PPP2R2B: variants seen among roughly 807,000 people sequenced by gnomAD.
The protein encoded by PPP2R2B is serine/threonine-protein phosphatase 2A 55 kDa regulatory subunit B beta isoform.
In PPP2R2B, 5 loss-of-function variants were observed where a neutral mutation model predicts 46.0. That is an observed-to-expected ratio of 0.11 (90% confidence interval 0.06 to 0.23). The LOEUF (loss-of-function observed/expected upper bound fraction) is 0.23. Among genes scored for constraint, PPP2R2B ranks in the 10% least tolerant of loss-of-function variants. The pLI, the probability that PPP2R2B is intolerant of heterozygous loss-of-function variation, is 1.00. For synonymous variants in PPP2R2B, 215 were observed against 206.7 expected (o/e 1.04, Z -0.34); for missense variants, 367 against 575.0 (o/e 0.64, Z 3.70).
intron 1 of PPP2R2B, among the ~76,000 whole-genome samples, chr5:147,007,243 C>T (rs540296961): frequency 3.3e-5 from 5 of 152,232 alleles, no homozygotes; most frequent in African/African-American, 4.8e-5. Flanking sequence ...GAGCAGTCAT[C>T]GCCCAATTCC....
chr5:147,050,470 A>G (rs1168111473), intron 1 of PPP2R2B, among the ~76,000 whole-genome samples: 1 of 152,156 alleles, frequency 6.6e-6, no homozygotes, highest in African/African-American at 2.4e-5. Context: ...ATAAGAATCC[A>G]TAAATATGAA....
At chr5:147,053,826 A>G (rs906598397) in intron 1 of PPP2R2B, among the ~76,000 whole-genome samples, 1 of 152,244 alleles carries the variant, frequency 6.6e-6, no homozygotes. Flanking sequence ...TGTTATAGAT[A>G]AAACTGGGCA....
At position 146,676,916 on chromosome 5, in the gene PPP2R2B, G is replaced by A. The variant is rs75227806; in HGVS notation, c.447+14212C>T. Among the ~76,000 whole-genome samples the A allele has an allele frequency of 5.7e-3, 866 of 152,276 alleles. 7 individuals are homozygous for A. The highest frequency in any genetic ancestry group is 0.019 in the African/African-American group (802 of 41,544). ...TGCAACGGCATATCTAATTGGGACT[G>A]GTGTGGCGGTCACCTCTGAGTCCAT... is the stretch of plus-strand genomic sequence containing the variant. On this transcript the variant is annotated intron_variant, in intron 5 of 9. Transcript: ENST00000394411.
intron 3 of PPP2R2B, among the ~76,000 whole-genome samples, chr5:146,698,681 TAAATG>T (rs1322213741): frequency 6.6e-6 from 1 of 151,830 alleles, no homozygotes; most frequent in African/African-American, 2.4e-5. Flanking sequence ...GCTCAGATAT[TAAATG>T]ACTTTCCCTA....
At chr5:146,622,839 T>G (rs926499707) in intron 7 of PPP2R2B, among the ~76,000 whole-genome samples, 1 of 152,218 alleles carries the variant, frequency 6.6e-6, no homozygotes, top group Non-Finnish European at 1.5e-5. Context: ...GTAGCTTATA[T>G]ATAACTCAGT....
intron 1 of PPP2R2B, among the ~76,000 whole-genome samples, chr5:146,990,377 A>G (rs1753640987): frequency 6.6e-6 from 1 of 152,160 alleles, no homozygotes; most frequent in African/African-American, 2.4e-5. Flanking sequence ...TTATAGAAAA[A>G]CAGACCAATG....
intron 1 of PPP2R2B, among the ~76,000 whole-genome samples, chr5:146,912,748 C>T (rs1185327466): frequency 6.6e-6 from 1 of 151,988 alleles, no homozygotes; most frequent in African/African-American, 2.4e-5. Context: ...ACCTTGTGAT[C>T]CGCTCGCTTC....
intron 2 of PPP2R2B, among the ~76,000 whole-genome samples, chr5:147,064,299 T>A (rs1323567703): frequency 6.6e-6 from 1 of 152,148 alleles, no homozygotes; most frequent in Non-Finnish European, 1.5e-5. Flanking sequence ...ACAAGGTAAT[T>A]GTTGTGTGCT....
chr5:146,766,873 G>T (rs1320764587), intron 2 of PPP2R2B, among the ~76,000 whole-genome samples: 1 of 152,018 alleles, frequency 6.6e-6, no homozygotes, highest in East Asian at 1.9e-4. Context: ...GGCCAATATG[G>T]TGAAACCCCG....
chr5:146,717,691 T>C (rs17516662), intron 2 of PPP2R2B, among the ~76,000 whole-genome samples: 62,725 of 151,940 alleles, frequency 0.41, 15,507 homozygotes, highest in African/African-American at 0.68. Flanking sequence ...TAGGTCATCA[T>C]TAAGAACACT....
intron 5 of PPP2R2B, among the ~76,000 whole-genome samples, chr5:146,690,026 T>A (rs1778743246): frequency 1.3e-5 from 2 of 152,162 alleles, no homozygotes; most frequent in African/African-American, 2.4e-5. Flanking sequence ...AATAAACAAG[T>A]GAGCTAATTA....
chr5:146,968,717 T>C (rs1367040366), intron 1 of PPP2R2B, among the ~76,000 whole-genome samples: 1 of 152,196 alleles, frequency 6.6e-6, no homozygotes, highest in Non-Finnish European at 1.5e-5. Context: ...TAACAATAAA[T>C]CAAGCCTTGG....
chr5:146,980,094 AT>A (rs1284835186), intron 1 of PPP2R2B, among the ~76,000 whole-genome samples: 7 of 152,192 alleles, frequency 4.6e-5, no homozygotes, highest in Admixed American at 3.3e-4. Context: ...ATTTATATTT[AT>A]TGTTATGGAG....
chr5:146,592,881 TC>T, intron 9 of PPP2R2B, 89 bp downstream of exon 9: 1 of 1,296,076 alleles, frequency 7.7e-7, no homozygotes. Flanking sequence ...AATTTTGACC[TC>T]CCTTTGGCTG....
At chr5:147,002,282 C>T (rs1303249994) in intron 1 of PPP2R2B, among the ~76,000 whole-genome samples, 3 of 151,896 alleles carry the variant, frequency 2.0e-5, no homozygotes, top group Non-Finnish European at 4.4e-5. Flanking sequence ...TTTTAGGATC[C>T]CTCTTCAGAC....
intron 2 of PPP2R2B, among the ~76,000 whole-genome samples, chr5:147,070,328 C>T (rs894982815): frequency 5.9e-5 from 9 of 152,076 alleles, no homozygotes; most frequent in Non-Finnish European, 1.3e-4. Context: ...GTTATTTATA[C>T]ACTCTTTTTT....
At position 146,753,924 on chromosome 5, in the gene PPP2R2B, C is replaced by T. The variant is rs1753698387; in HGVS notation, c.71-52782G>A. 2.0e-5 allele frequency among the ~76,000 whole-genome samples: 3 copies of T among 152,206 alleles called. No individual in the cohort carries two copies. In the South Asian group the frequency reaches 6.2e-4, roughly 32 times the overall value. On this transcript the variant is annotated intron_variant, in intron 2 of 9. Coordinates refer to ENST00000394411, the MANE Select transcript of PPP2R2B (RefSeq NM_181675.4). ...CTTTGTAAACAGCAGTTAAGCTTCCCTGTCTCCTGAGGGATGAGCTTCTGG... is the reference window on the plus strand; with the variant it reads ...CTTTGTAAACAGCAGTTAAGCTTCCTTGTCTCCTGAGGGATGAGCTTCTGG...
intron 2 of PPP2R2B, among the ~76,000 whole-genome samples, chr5:146,810,142 T>C (rs1178170301): frequency 6.6e-6 from 1 of 152,208 alleles, no homozygotes; most frequent in African/African-American, 2.4e-5. Flanking sequence ...GTATTGTTAC[T>C]AACATCTCCC....
At chr5:147,009,864 TACACACACACACACAC>T (rs201299020) in intron 1 of PPP2R2B, among the ~76,000 whole-genome samples, 2 of 136,572 alleles carry the variant, frequency 1.5e-5, no homozygotes, top group East Asian at 4.2e-4. Context: ...CACACACACA[TACACACACACACACAC>T]ACACACACAC....
Sources: allele counts gnomAD v4.1 joint callset (sites outside exome capture counted in the v4.1 genomes callset), GRCh38; gene constraint gnomAD v4.1.1; transcripts MANE v1.5; gene names NCBI Gene and HGNC (gene_info 2026-07-23, HGNC 2026-07-21).